Variants in RIF1 observed in about 807,000 individuals in gnomAD.
RIF1 encodes the protein replication timing regulatory factor 1, also known as telomere-associated protein RIF1.
Under a neutral mutation model 247.1 loss-of-function variants are expected in RIF1, and 45 were observed. That is an observed-to-expected ratio of 0.18 (90% CI 0.14 to 0.23). The LOEUF is 0.23. Ranked by LOEUF, RIF1 falls within the 10% of genes least tolerant of loss-of-function variation. RIF1 has a pLI of 1.00. For missense variants in RIF1, 2,967 were observed against 2,862.5 expected (o/e 1.04, Z -0.83); for synonymous variants, 1,087 against 978.8 (o/e 1.11, Z -2.06).
In RIF1 at chr2:151,475,870, A is replaced by G. The variant is rs963761519; in HGVS notation, c.*799A>G. The G allele has an allele frequency of 1.3e-5, 2 of 152,632 alleles. No individual in the cohort carries two copies. The highest frequency in any genetic ancestry group is 2.9e-5 in the Non-Finnish European group (2 of 68,014). The allele number at this position is 152,632 out of a possible 1,614,324, so 9.5% of individuals were successfully genotyped here. ...TGTGAATACCTTGGTTCTGTTCAAT[A>G]GAAACATTTTGTATATATTAAATAC... On this transcript the variant is annotated 3_prime_UTR_variant, in exon 36 of 36. Transcript: ENST00000444746.
downstream of RIF1, chr2:151,483,358 A>T (rs1266576772): frequency 1.3e-5 from 2 of 152,210 alleles, no homozygotes; most frequent in Admixed American, 1.3e-4. Flanking sequence ...TCTTGTGATT[A>T]ATGTTTTAAG....
intron 20 of RIF1, among the ~76,000 whole-genome samples, chr2:151,448,790 G>A (rs377622501): frequency 1.5e-4 from 23 of 152,296 alleles, no homozygotes; most frequent in East Asian, 5.8e-4. Flanking sequence ...TCATGATGGT[G>A]ATTATCTCTG....
intron 9 of RIF1, chr2:151,494,308 C>T: frequency 3.3e-6 from 4 of 1,209,138 alleles, no homozygotes; most frequent in South Asian, 2.7e-5. Flanking sequence ...TAACAGTTAC[C>T]AAAAAAGGAA....
chr2:151,471,534 A>G (rs958687863), intron 34 of RIF1, among the ~76,000 whole-genome samples: 3 of 152,140 alleles, frequency 2.0e-5, no homozygotes, highest in Non-Finnish European at 4.4e-5. Context: ...TCCATCTTGA[A>G]TTAATTTTTG....
the RIF1 span, among the ~76,000 whole-genome samples, chr2:151,531,294 C>CTCTTTTTTTCTT: frequency 6.8e-6 from 1 of 147,280 alleles, no homozygotes; most frequent in African/African-American, 2.5e-5. Flanking sequence ...CACAACAACT[C>CTCTTTTTTTCTT]TCTTTTTTTC....
In RIF1 at chr2:151,440,125, C is replaced by T. The variant is rs1692020040; in HGVS notation, c.1645C>T (p.Leu549=). 1 of 1,511,172 alleles carries T rather than the reference C, an allele frequency of 6.6e-7. No individual in the cohort carries two copies. Among genetic ancestry groups the T allele is most frequent in the Admixed American group, 1.8e-5 (1 of 54,806 alleles). The allele number at this position is 1,511,172 out of a possible 1,614,324, so 93.6% of individuals were successfully genotyped here. Residue 549 remains leucine (L), a splice_region_variant and synonymous_variant, in exon 15 of 36, where the codon CTG becomes TTG. Transcript: ENST00000444746. The stretch of plus-strand genomic sequence containing the variant: ...TGAAGTATTTCCTGTATCAAAAACG[C>T]TGGTAAGTATAATACCCGTATGTTG... ...KSEVFPVSKT[L]VLMEITIKGL... is the part of the protein sequence containing the mutation.
chr2:151,446,945 CT>C lies in RIF1; in HGVS notation c.2244+386del, dbSNP rs71403169. Among the ~76,000 whole-genome samples, 102 of 137,632 alleles carry C rather than the reference CT, an allele frequency of 7.4e-4. 1 individual carries two copies. Among genetic ancestry groups the C allele is most frequent in the African/African-American group, 1.5e-3 (54 of 36,838 alleles). 90.3% of individuals were successfully genotyped at this position (137,632 alleles called of 152,430 possible). On this transcript the variant is annotated intron_variant, in intron 20 of 35. Transcript: ENST00000444746. ...GAAAATATAAGTCTCTTTTCTCTTT[CT>C]TTTTTTTTTTTTTTTGAGACGGAGT... is the stretch of plus-strand genomic sequence containing the variant.
intron 12 of RIF1, chr2:151,503,548 C>G (rs892106629): frequency 1.7e-5 from 12 of 686,848 alleles, no homozygotes; most frequent in Non-Finnish European, 3.1e-5. Context: ...CAATCTAGCT[C>G]TCAAATATAA....
chr2:151,453,154 T>G (rs1266485852), intron 21 of RIF1, among the ~76,000 whole-genome samples: 1 of 152,228 alleles, frequency 6.6e-6, no homozygotes, highest in Admixed American at 6.5e-5. Flanking sequence ...TGCATTTATC[T>G]TATCTGCTCC....
At position 151,493,159 on chromosome 2, in the gene RIF1, CTA is replaced by C. The variant is rs1349459417; in HGVS notation, c.*416-2068_*416-2067del. ...TGGAATGTAAAAGCACAGTTAATGT[CTA>C]TTTTAGTGTAAATTTTCAGTTGAAT... On this transcript the variant is annotated intron_variant and NMD_transcript_variant, in intron 9 of 13. Transcript: ENST00000454583. 1.6e-5 allele frequency: 9 copies of C among 545,552 alleles called. No homozygotes were observed. The African/African-American group carries it at 1.7e-4, about 10-fold the overall frequency. 33.8% of individuals were successfully genotyped at this position (545,552 alleles called of 1,614,324 possible).
chr2:151,492,605 G>A, intron 9 of RIF1: 1 of 710,932 alleles, frequency 1.4e-6, no homozygotes. Context: ...TGGGTCAACT[G>A]AAGGGGCCCA....
chr2:151,495,447 G>GATGCGTGCTA (rs3832166), intron 10 of RIF1: 88,998 of 151,238 alleles, frequency 0.59, 26,572 homozygotes, highest in Admixed American at 0.7. Context: ...ACGTTATTCT[G>GATGCGTGCTA]ATGCGTGCTA....
chr2:151,414,039 C>T (rs546112855), intron 3 of RIF1, among the ~76,000 whole-genome samples: 3 of 152,228 alleles, frequency 2.0e-5, no homozygotes, highest in African/African-American at 4.8e-5. Flanking sequence ...CAGCCAGGCA[C>T]GGTGGCTCAC....
chr2:151,499,005 G>A (rs2062395926), intron 10 of RIF1, among the ~76,000 whole-genome samples: 1 of 148,754 alleles, frequency 6.7e-6, no homozygotes, highest in Non-Finnish European at 1.5e-5. Flanking sequence ...TTAAGCTTTA[G>A]GTTCAGATCA....
At chr2:151,495,952 C>T (rs182563044) in intron 10 of RIF1, among the ~76,000 whole-genome samples, 68 of 152,256 alleles carry the variant, frequency 4.5e-4, no homozygotes, top group Admixed American at 2.3e-3. Flanking sequence ...CCACCCCACA[C>T]GTACCCGTCC....
chr2:151,502,815 C>T lies in RIF1; in HGVS notation c.*710-219C>T, dbSNP rs766732299. The stretch of plus-strand genomic sequence containing the variant: ...TACCGAGCTAAAGTTCTCTTGATTG[C>T]GTTTGACTCTCTCCATCTCTGGAGT... On this transcript the variant is annotated intron_variant and NMD_transcript_variant, in intron 11 of 13. Transcript: ENST00000454583. 22 of 1,602,040 alleles carry T rather than the reference C, an allele frequency of 1.4e-5. No homozygotes were observed. The highest frequency in any genetic ancestry group is 4.1e-5 in the African/African-American group (3 of 73,644).
chr2:151,431,812 T>TGAATGAATGAATAAAAA (rs1396705391), intron 9 of RIF1, among the ~76,000 whole-genome samples: 1 of 148,434 alleles, frequency 6.7e-6, no homozygotes, highest in Non-Finnish European at 1.5e-5. Flanking sequence ...AATGAATGAA[T>TGAATGAATGAATAAAAA]GAACAAAAAG....
intron 10 of RIF1, among the ~76,000 whole-genome samples, chr2:151,433,783 C>T (rs1345139166): frequency 6.6e-6 from 1 of 152,074 alleles, no homozygotes; most frequent in Non-Finnish European, 1.5e-5. Context: ...AGCAAGTACT[C>T]AAACATTCTT....
At position 151,506,891 on chromosome 2, in the gene RIF1, A is replaced by AGTAAATATACTATAT. The variant is rs773201250; in HGVS notation, c.*1027+516_*1027+517insGTAAATATACTATAT. ...ATGACTAGGTTAGCATTAAATGCAA[A>AGTAAATATACTATAT]ATAAATAGTAAATATACCGAGCTGA... On this transcript the variant is annotated intron_variant and NMD_transcript_variant, in intron 13 of 13. Coordinates refer to the RIF1 transcript ENST00000454583. 7 of 1,526,232 alleles carry AGTAAATATACTATAT rather than the reference A, an allele frequency of 4.6e-6. No individual in the cohort carries two copies. In the Admixed American group the frequency reaches 1.2e-4, roughly 26 times the overall value. The allele number at this position is 1,526,232 out of a possible 1,614,324, so 94.5% of individuals were successfully genotyped here.
Sources: gnomAD v4.1 joint callset for allele counts (sites outside exome capture counted in the v4.1 genomes callset) on GRCh38, gnomAD v4.1.1 for gene constraint, MANE v1.5 for transcripts, NCBI Gene and HGNC (gene_info 2026-07-23, HGNC 2026-07-21) for gene names.